PYROXD1: variants seen among roughly 807,000 people sequenced by gnomAD.
PYROXD1 encodes the protein tRNA ligase complex-associated NAD(P)H dehydrogenase PYROXD1.
Under a neutral mutation model 62.0 loss-of-function variants are expected in PYROXD1, and 42 were observed. That is an observed-to-expected ratio of 0.68 (90% confidence interval 0.53 to 0.88). The LOEUF (loss-of-function observed/expected upper bound fraction) is 0.88, where lower values mean the gene tolerates loss of function less well. Among genes scored for constraint, PYROXD1 ranks in the 40% least tolerant of loss-of-function variants. The pLI, the probability that PYROXD1 is intolerant of heterozygous loss-of-function variation, is 0.00. For missense variants in PYROXD1, 493 were observed against 604.8 expected, an observed-to-expected ratio of 0.82 and a Z score of 1.94; for synonymous variants, 170 against 206.4, an observed-to-expected ratio of 0.82 and a Z score of 1.51.
At position 21,440,389 on chromosome 12, in the gene PYROXD1, G is replaced by C. The variant is rs765525439; in HGVS notation, c.106G>C (p.Glu36Gln). The change falls in exon 2 of 12, where the codon GAA becomes CAA. Residue 36 changes from glutamate (E) to glutamine (Q), a missense_variant. Physicochemically the swap from Glu to Gln is conservative, Grantham distance 29. Transcript: ENST00000240651. ...TAAGTTGGCTACTCACTTTCCATCGGAAGATATTCTCTTGGTAACAGCTTC... is the reference window on the plus strand; with the variant it reads ...TAAGTTGGCTACTCACTTTCCATCGCAAGATATTCTCTTGGTAACAGCTTC... ...AEQLATHFPS[E>Q]DILLVTASPV... is the part of the protein sequence containing the mutation. 1.9e-6 allele frequency: 3 copies of C among 1,595,262 alleles called. No homozygotes were observed. The South Asian group carries it at 3.4e-5, about 18-fold the overall frequency.
In PYROXD1 at chr12:21,437,660, C is replaced by T; in HGVS notation, c.-71C>T. On this transcript the variant is annotated 5_prime_UTR_variant, in exon 1 of 12. Transcript: ENST00000240651. ...ACCGGAAGTGACCGCCTCGCGGCTG[C>T]TTCCTCTCCTGGAGTCCAGAGTCCC... 2.0e-6 allele frequency: 3 copies of T among 1,487,068 alleles called. No homozygotes were observed. The highest frequency in any genetic ancestry group is 2.8e-6 in the Non-Finnish European group (3 of 1,084,604). The allele number at this position is 1,487,068 out of a possible 1,614,324, so 92.1% of individuals were successfully genotyped here. A position where few individuals can be genotyped will look rare whatever the true frequency, so the allele number is the denominator to read the frequency against.
intron 7 of PYROXD1, among the ~76,000 whole-genome samples, chr12:21,457,361 C>T (rs1387792658): frequency 1.3e-5 from 2 of 152,026 alleles, no homozygotes; most frequent in Admixed American, 1.3e-4. Context: ...ACATTCATCT[C>T]CTTGTGCATC....
intron 10 of PYROXD1, 140 bp from the exon 11 acceptor site, chr12:21,467,341 C>G: frequency 1.5e-6 from 1 of 653,908 alleles, no homozygotes; most frequent in Non-Finnish European, 2.5e-6. Context: ...GATTAGTTAT[C>G]CATTGGTGAC....
At chr12:21,466,015 G>C (rs978950179) in intron 10 of PYROXD1, among the ~76,000 whole-genome samples, 3 of 151,860 alleles carry the variant, frequency 2.0e-5, no homozygotes, top group Non-Finnish European at 2.9e-5. Flanking sequence ...TGTTCTGCTC[G>C]ATTGGTCTAT....
chr12:21,465,079 T>C (rs956026221), intron 10 of PYROXD1, among the ~76,000 whole-genome samples: 1 of 152,200 alleles, frequency 6.6e-6, no homozygotes, highest in African/African-American at 2.4e-5. Context: ...TTGTTGGACA[T>C]TTGGGTTGGT....
At position 21,460,933 on chromosome 12, in the gene PYROXD1, A is replaced by G. The variant is rs7138359; in HGVS notation, c.751-92A>G. The G allele has an allele frequency of 0.47, 373,802 of 789,506 alleles. 89,062 individuals are homozygous for G. The highest frequency in any genetic ancestry group is 0.54 in the Middle Eastern group (1,262 of 2,328). The allele number at this position is 789,506 out of a possible 1,614,324, so 48.9% of individuals were successfully genotyped here. On this transcript the variant is annotated intron_variant, in intron 7 of 11. Coordinates refer to ENST00000240651, the MANE Select transcript of PYROXD1 (RefSeq NM_024854.5). ...ATTATAAGAATTATGTTTTCTATAC[A>G]TTTCTACAAGTATACGTTTTTTCTT...
intron 2 of PYROXD1, among the ~76,000 whole-genome samples, chr12:21,442,822 A>G (rs774155928): frequency 6.6e-6 from 1 of 152,224 alleles, no homozygotes; most frequent in Non-Finnish European, 1.5e-5. Flanking sequence ...GGTCCCCACC[A>G]TGTGGCTGAT....
rs541073611 is a variant in PYROXD1 at position 21,469,870 on chromosome 12, A to C, written c.*1116A>C. ...TAATATTGCTTTCAAAAAGATAGTT[A>C]TGTCAAAAGAAAAAATATAGCTAAG... On this transcript the variant is annotated 3_prime_UTR_variant, in exon 12 of 12. Transcript: ENST00000240651. The C allele has an allele frequency of 1.0e-5, 2 of 195,906 alleles. No homozygotes were observed. Among genetic ancestry groups the C allele is most frequent in the African/African-American group, 4.7e-5 (2 of 42,182 alleles). The allele number at this position is 195,906 out of a possible 1,614,324, so 12.1% of individuals were successfully genotyped here.
intron 7 of PYROXD1, among the ~76,000 whole-genome samples, chr12:21,460,695 G>A (rs1025936676): frequency 6.6e-6 from 1 of 152,154 alleles, no homozygotes; most frequent in African/African-American, 2.4e-5. Flanking sequence ...AGAGTGCTGG[G>A]ATTACAGGCG....
chr12:21,460,557 G>A (rs1942678092), intron 7 of PYROXD1, among the ~76,000 whole-genome samples: 1 of 151,856 alleles, frequency 6.6e-6, no homozygotes, highest in South Asian at 2.1e-4. Flanking sequence ...CCGAGTAGCT[G>A]GGACTACAGG....
chr12:21,460,165 G>A (rs1054479977), intron 7 of PYROXD1, among the ~76,000 whole-genome samples: 4 of 152,122 alleles, frequency 2.6e-5, no homozygotes, highest in East Asian at 1.9e-4. Flanking sequence ...GGAGCTGGCT[G>A]CACGGTGTAT....
rs376318456 is a variant in PYROXD1 at position 21,458,580 on chromosome 12, TA to T, written c.751-2442del. 2.8e-3 allele frequency among the ~76,000 whole-genome samples: 421 copies of T among 152,330 alleles called. 5 individuals carry two copies. The highest frequency in any genetic ancestry group is 1.0e-2 in the African/African-American group (415 of 41,572). The stretch of plus-strand genomic sequence containing the variant: ...TAATAATCATTGCTACCTTTTGATT[TA>T]AAGTGAGAGATGTGTGATCCTTACT... On this transcript the variant is annotated intron_variant, in intron 7 of 11. Transcript: ENST00000240651.
At chr12:21,440,056 A>ATT (rs1942264482) in intron 1 of PYROXD1, among the ~76,000 whole-genome samples, 1 of 152,248 alleles carries the variant, frequency 6.6e-6, no homozygotes, top group Non-Finnish European at 1.5e-5. Context: ...CATCCTCTGC[A>ATT]TTATAACTCT....
chr12:21,452,914 A>G (rs1021496391), intron 5 of PYROXD1, among the ~76,000 whole-genome samples: 3 of 152,110 alleles, frequency 2.0e-5, no homozygotes, highest in African/African-American at 7.2e-5. Context: ...CTCTCAGACT[A>G]GGTTTTTGCC....
intron 3 of PYROXD1, among the ~76,000 whole-genome samples, chr12:21,448,558 A>G (rs1395286331): frequency 1.3e-5 from 2 of 152,344 alleles, no homozygotes; most frequent in South Asian, 2.1e-4. Flanking sequence ...AAATTTCTAC[A>G]TGGATTATGC....
At chr12:21,459,525 C>T (rs1033043027) in intron 7 of PYROXD1, among the ~76,000 whole-genome samples, 2 of 152,172 alleles carry the variant, frequency 1.3e-5, no homozygotes, top group Admixed American at 6.5e-5. Flanking sequence ...AAGAAAGGGG[C>T]TCGTGGGAGC....
intron 3 of PYROXD1, 134 bp downstream of exon 3, chr12:21,445,600 C>T: frequency 3.4e-6 from 3 of 870,632 alleles, no homozygotes; most frequent in Non-Finnish European, 3.3e-6. Flanking sequence ...ACATTGATTT[C>T]CAGTATTATT....
chr12:21,464,160 A>G (rs1461746644), intron 10 of PYROXD1, among the ~76,000 whole-genome samples: 2 of 149,292 alleles, frequency 1.3e-5, no homozygotes, highest in African/African-American at 4.9e-5. Flanking sequence ...TAACATTTTT[A>G]ATTCTCTAGG....
chr12:21,457,041 G>A (rs1942610265), intron 7 of PYROXD1: 1 of 312,452 alleles, frequency 3.2e-6, no homozygotes, highest in Non-Finnish European at 6.2e-6. Flanking sequence ...CACCATATCT[G>A]CCTTTCTCCA....
Sources: gnomAD v4.1 joint callset for allele counts (sites outside exome capture counted in the v4.1 genomes callset) on GRCh38, gnomAD v4.1.1 for gene constraint, MANE v1.5 for transcripts, NCBI Gene and HGNC (gene_info 2026-07-23, HGNC 2026-07-21) for gene names.